Variants in NHSL2 observed in about 807,000 individuals in gnomAD.
NHSL2 encodes NHS like 2.
Under a neutral mutation model 53.4 loss-of-function variants are expected in NHSL2, and 27 were observed. The observed-to-expected ratio is 0.51, with a 90% confidence interval of 0.37 to 0.70. The LOEUF (loss-of-function observed/expected upper bound fraction) is 0.70, where lower values mean the gene tolerates loss of function less well. NHSL2 is among the 30% of genes least tolerant of loss of function. NHSL2 has a pLI of 0.00. For synonymous variants in NHSL2, 408 were observed against 404.1 expected (o/e 1.01, Z -0.12); for missense variants, 892 against 980.1 (o/e 0.91, Z 1.20).
intron 1 of NHSL2, among the ~76,000 whole-genome samples, chrX:71,926,877 A>G (rs2041688150): frequency 9.0e-6 from 1 of 111,259 alleles, no homozygotes; most frequent in Non-Finnish European, 1.9e-5. Flanking sequence ...CAAAATGTTT[A>G]TTGAGTACCT....
At chrX:72,085,146 G>A (rs138434922) in intron 1 of NHSL2, among the ~76,000 whole-genome samples, 20 of 111,501 alleles carry the variant, frequency 1.8e-4, no homozygotes, top group African/African-American at 6.5e-4. Context: ...GAGATCCAGG[G>A]TTTGCTTTAG....
chrX:72,087,850 T>C (rs1175059394), intron 1 of NHSL2, among the ~76,000 whole-genome samples: 1 of 109,515 alleles, frequency 9.1e-6, no homozygotes. Context: ...CCAGCCTGGA[T>C]GACAGAGCAA....
intron 1 of NHSL2, among the ~76,000 whole-genome samples, chrX:72,054,891 G>C (rs1457586747): frequency 9.0e-6 from 1 of 110,756 alleles, no homozygotes; most frequent in South Asian, 3.8e-4. Flanking sequence ...TTCTTCAGTT[G>C]AGGCACAAAG....
intron 1 of NHSL2, among the ~76,000 whole-genome samples, chrX:71,916,357 C>T (rs184890471): frequency 1.8e-5 from 2 of 112,533 alleles, no homozygotes; most frequent in Admixed American, 1.9e-4. Flanking sequence ...CTTCAGTGCT[C>T]AAGTAGCTTA....
Position 72,115,108 on chromosome X carries a change from G to C in NHSL2, c.281-16971G>C, listed in dbSNP as rs774742815. ...CACACAGCGAGGTCGTGATGAGGCAGAGTCTCAAAGCCAGGTCTGTCCAAC... is the reference window on the plus strand; with the variant it reads ...CACACAGCGAGGTCGTGATGAGGCACAGTCTCAAAGCCAGGTCTGTCCAAC... On this transcript the variant is annotated intron_variant, in intron 1 of 7. Coordinates refer to ENST00000633930, the MANE Select transcript of NHSL2 (RefSeq NM_001013627.3). 2.7e-5 allele frequency among the ~76,000 whole-genome samples: 3 copies of C among 111,575 alleles called. No homozygotes were observed. In the South Asian group the frequency reaches 1.1e-3, roughly 42 times the overall value.
chrX:72,090,772 AGT>A (rs372070874), intron 1 of NHSL2, among the ~76,000 whole-genome samples: 25,330 of 93,404 alleles, frequency 0.27, 2,749 homozygotes, highest in Non-Finnish European at 0.31. Flanking sequence ...AGTGTATGTG[AGT>A]GTGTGTGTGT....
At chrX:71,962,320 C>G (rs1209751602) in intron 1 of NHSL2, among the ~76,000 whole-genome samples, 1 of 111,458 alleles carries the variant, frequency 9.0e-6, no homozygotes, top group African/African-American at 3.3e-5. Context: ...CAATGCTGCC[C>G]TCAGAGAATA....
intron 1 of NHSL2, among the ~76,000 whole-genome samples, chrX:72,085,735 G>T (rs1231977230): frequency 1.9e-5 from 2 of 105,364 alleles, no homozygotes; most frequent in African/African-American, 7.0e-5. Context: ...TTTGTGGGGG[G>T]GTATAGTTTG....
intron 1 of NHSL2, among the ~76,000 whole-genome samples, chrX:72,003,535 T>A (rs2042081068): frequency 9.0e-6 from 1 of 111,440 alleles, no homozygotes; most frequent in African/African-American, 3.3e-5. Flanking sequence ...TTCCTACAAG[T>A]ATGGCCTTAT....
intron 1 of NHSL2, among the ~76,000 whole-genome samples, chrX:72,061,842 T>C (rs12014839): frequency 0.13 from 14,109 of 111,519 alleles, 1,506 homozygotes; most frequent in African/African-American, 0.35. Context: ...CAGGCTCAGT[T>C]CTTAGCTCGG....
chrX:72,074,479 T>G (rs1351699198), intron 1 of NHSL2, among the ~76,000 whole-genome samples: 1 of 112,232 alleles, frequency 8.9e-6, no homozygotes, highest in Non-Finnish European at 1.9e-5. Context: ...GAACAAAATA[T>G]TTCCTGGTGC....
intron 1 of NHSL2, among the ~76,000 whole-genome samples, chrX:71,973,615 G>A (rs2041935638): frequency 9.0e-6 from 1 of 111,075 alleles, no homozygotes; most frequent in African/African-American, 3.3e-5. Flanking sequence ...CTCTAAGAGT[G>A]GGTACTGGGG....
At chrX:72,132,997 GTGGTGACCT>G (rs1409319647) in intron 2 of NHSL2, among the ~76,000 whole-genome samples, 1 of 112,535 alleles carries the variant, frequency 8.9e-6, no homozygotes, top group Non-Finnish European at 1.9e-5. Context: ...TACCAGGGCA[GTGGTGACCT>G]TGGAAAAGCA....
At chrX:72,104,998 G>A (rs749636072) in intron 1 of NHSL2, among the ~76,000 whole-genome samples, 1 of 112,077 alleles carries the variant, frequency 8.9e-6, no homozygotes, top group Non-Finnish European at 1.9e-5. Context: ...TGAGGGAGCA[G>A]GATCGGTCAG....
At chrX:72,052,997 T>G (rs1266823553) in intron 1 of NHSL2, among the ~76,000 whole-genome samples, 2 of 112,164 alleles carry the variant, frequency 1.8e-5, no homozygotes, top group African/African-American at 3.2e-5. Flanking sequence ...CTGATGAGAG[T>G]CTTTCCTGTG....
intron 1 of NHSL2, among the ~76,000 whole-genome samples, chrX:72,086,651 T>TATG (rs1289163361): frequency 2.4e-5 from 2 of 84,183 alleles, no homozygotes; most frequent in Non-Finnish European, 4.2e-5. Flanking sequence ...GCCACTGTAC[T>TATG]CCAGCCTGGG....
rs768375863 is a variant in NHSL2, at chrX:72,149,619, G to A, written c.*6045G>A. On this transcript the variant is annotated 3_prime_UTR_variant, in exon 8 of 8. Coordinates refer to ENST00000633930, the MANE Select transcript of NHSL2 (RefSeq NM_001013627.3). ...AGAAATATCAATATATGTATGTGCT[G>A]AGGTCTTCTGATGAATTGTAAATTA... is the stretch of plus-strand genomic sequence containing the variant. 9.8e-5 allele frequency: 11 copies of A among 112,263 alleles called. No homozygotes were observed. Among genetic ancestry groups the A allele is most frequent in the Admixed American group, 3.8e-4 (4 of 10,562 alleles). The allele number at this position is 112,263 out of a possible 1,213,427, so 9.3% of individuals were successfully genotyped here.
chrX:71,988,971 A>C (rs2042015010), intron 1 of NHSL2, among the ~76,000 whole-genome samples: 1 of 111,716 alleles, frequency 9.0e-6, no homozygotes, highest in South Asian at 3.8e-4. Context: ...ACTATTTTGT[A>C]TTCTTTTTTG....
At chrX:71,973,409 G>A (rs372808442) in intron 1 of NHSL2, among the ~76,000 whole-genome samples, 13 of 111,876 alleles carry the variant, frequency 1.2e-4, no homozygotes, top group African/African-American at 3.9e-4. Context: ...ACTGCTTGCC[G>A]TGAAGATCTC....
Sources: gnomAD v4.1 joint callset for allele counts (sites outside exome capture counted in the v4.1 genomes callset) on GRCh38, gnomAD v4.1.1 for gene constraint, MANE v1.5 for transcripts, NCBI Gene and HGNC (gene_info 2026-07-23, HGNC 2026-07-21) for gene names.